The following RHCE variants were observed in gnomAD, a reference collection of about 807,000 sequenced individuals.
The protein encoded by RHCE is Rh blood group CcEe antigens.
In RHCE, 22 loss-of-function variants were observed where a neutral mutation model predicts 43.8. The observed-to-expected ratio is 0.50, with a 90% CI of 0.36 to 0.72. The LOEUF (loss-of-function observed/expected upper bound fraction) is 0.72. Among genes scored for constraint, RHCE ranks in the 30% least tolerant of loss-of-function variants. RHCE has a pLI of 0.00. For synonymous variants in RHCE, 156 were observed against 210.7 expected, an observed-to-expected ratio of 0.74 and a Z score of 2.25; for missense variants, 385 against 525.4, an observed-to-expected ratio of 0.73 and a Z score of 2.61.
chr1:25,424,456 C>A (rs1275048677), upstream of RHCE, among the ~76,000 whole-genome samples: 2 of 151,946 alleles, frequency 1.3e-5, no homozygotes, highest in African/African-American at 4.8e-5. Context: ...GGCACAATCT[C>A]GGCTCACTGC....
upstream of RHCE, among the ~76,000 whole-genome samples, chr1:25,425,488 T>C: frequency 6.6e-6 from 1 of 152,188 alleles, no homozygotes; most frequent in Admixed American, 6.5e-5. Flanking sequence ...CTAATCACTT[T>C]GCAATTCTGC....
At chr1:25,412,893 G>A (rs113748855) in intron 1 of RHCE, among the ~76,000 whole-genome samples, 4 of 151,724 alleles carry the variant, frequency 2.6e-5, no homozygotes, top group Admixed American at 1.3e-4. Flanking sequence ...GCATGGTGGC[G>A]CATGCCTGTA....
At chr1:25,428,338 G>A (rs75466085) in intron 2 of RHCE, among the ~76,000 whole-genome samples, 9,474 of 152,280 alleles carry the variant, frequency 0.062, 401 homozygotes, top group Middle Eastern at 0.15. Context: ...GCTCCCCAAC[G>A]CCTTTAAGCT....
At chr1:25,378,116 TA>T (rs1645842648) in intron 7 of RHCE, among the ~76,000 whole-genome samples, 1 of 152,122 alleles carries the variant, frequency 6.6e-6, no homozygotes, top group African/African-American at 2.4e-5. Context: ...TATCAAAATG[TA>T]AAAAATAGGT....
chr1:25,373,579 A>C lies in RHCE; in HGVS notation c.1153+1770T>G, dbSNP rs964098926. The stretch of plus-strand genomic sequence containing the variant: ...AATTACCCAAGTAACTCCAAAATGT[A>C]CCTCCATACAGTTTGTTAAAGCTGG... On this transcript the variant is annotated intron_variant, in intron 8 of 9. Coordinates refer to ENST00000294413, the MANE Select transcript of RHCE (RefSeq NM_020485.8). 1.3e-4 allele frequency among the ~76,000 whole-genome samples: 20 copies of C among 151,666 alleles called. 1 individual carries two copies. The highest frequency in any genetic ancestry group is 3.9e-4 in the African/African-American group (16 of 41,018).
chr1:25,387,564 G>C (rs911762290), intron 6 of RHCE, among the ~76,000 whole-genome samples: 1 of 152,198 alleles, frequency 6.6e-6, no homozygotes, highest in African/African-American at 2.4e-5. Context: ...GAGCCTGATG[G>C]TAACTTGCTA....
intron 4 of RHCE, among the ~76,000 whole-genome samples, chr1:25,391,124 GAAAT>G (rs1643990440): frequency 6.6e-6 from 1 of 152,136 alleles, no homozygotes; most frequent in African/African-American, 2.4e-5. Context: ...CAAGAGGGTT[GAAAT>G]CTGCATACCC....
intron 2 of RHCE, among the ~76,000 whole-genome samples, chr1:25,405,036 A>G (rs1050461201): frequency 4.3e-4 from 62 of 144,140 alleles, no homozygotes; most frequent in Non-Finnish European, 8.4e-4. Context: ...ACAAAAAGCA[A>G]AAAAAAAAAA....
intron 1 of RHCE, chr1:25,419,831 TG>T (rs1303633057): frequency 2.4e-5 from 2 of 82,358 alleles, no homozygotes; most frequent in African/African-American, 5.1e-5. Flanking sequence ...TCGGTGGGGG[TG>T]GGGGTGGGGG....
chr1:25,418,459 CA>C (rs1306925362), intron 1 of RHCE, among the ~76,000 whole-genome samples: 1 of 152,130 alleles, frequency 6.6e-6, no homozygotes, highest in Non-Finnish European at 1.5e-5. Context: ...TGTGCCACCA[CA>C]CCCGGCTAGT....
intron 3 of RHCE, among the ~76,000 whole-genome samples, chr1:25,394,453 G>C (rs947237934): frequency 6.6e-6 from 1 of 152,060 alleles, no homozygotes; most frequent in Non-Finnish European, 1.5e-5. Flanking sequence ...CCCTTGATGA[G>C]ATGAAGCTGC....
Position 25,389,074 on chromosome 1 carries a change from C to A in RHCE, c.841G>T (p.Val281Leu). ...GGGATCAGGTGACACGAGGTACCCACAGCCACGCCTCCTGCCAACACCGCA... is the reference window on the plus strand; with the variant it reads ...GGGATCAGGTGACACGAGGTACCCAAAGCCACGCCTCCTGCCAACACCGCA... Reference protein sequence around the residue: ...HSAVLAGGVAVGTSCHLIPSP... With the variant: ...HSAVLAGGVALGTSCHLIPSP... Residue 281 changes from valine to leucine, a missense_variant, in exon 6 of 10, where the codon GTG (valine) becomes TTG (leucine). Val to Leu is a conservative substitution (Grantham distance 32). Coordinates refer to ENST00000294413, the MANE Select transcript of RHCE (RefSeq NM_020485.8). 1 of 1,614,192 alleles carries A rather than the reference C, an allele frequency of 6.2e-7. No homozygotes were observed. Among genetic ancestry groups the A allele is most frequent in the African/African-American group, 1.3e-5 (1 of 75,056 alleles).
upstream of RHCE, among the ~76,000 whole-genome samples, chr1:25,424,495 C>G (rs1488484947): frequency 1.3e-5 from 2 of 152,132 alleles, no homozygotes; most frequent in African/African-American, 4.8e-5. Context: ...TCAAGCGATT[C>G]TCCCGCCTCA....
intron 2 of RHCE, among the ~76,000 whole-genome samples, chr1:25,404,169 CAAA>C (rs3079571): frequency 2.2e-5 from 2 of 90,972 alleles, no homozygotes; most frequent in Admixed American, 1.4e-4. Flanking sequence ...CTCTGTCTCA[CAAA>C]AAAAAAAAAA....
In RHCE at chr1:25,407,337, TA is replaced by T. The variant is rs577336309; in HGVS notation, c.335+1345del. On this transcript the variant is annotated intron_variant, in intron 2 of 9. Coordinates refer to ENST00000294413, the MANE Select transcript of RHCE (RefSeq NM_020485.8). ...ACTCTGGAGCATGTGGAAAAGGTTA[TA>T]AAAAAAAGTTAGAGCCATCTCCACC... Among the ~76,000 whole-genome samples the T allele has an allele frequency of 7.4e-4, 91 of 123,382 alleles. 8 individuals are homozygous for T. The highest frequency in any genetic ancestry group is 2.3e-3 in the African/African-American group (90 of 39,926). The allele number at this position is 123,382 out of a possible 152,430, so 80.9% of individuals were successfully genotyped here.
intron 1 of RHCE, chr1:25,419,676 C>T (rs2042714515): frequency 6.7e-6 from 1 of 149,250 alleles, no homozygotes; most frequent in Non-Finnish European, 1.5e-5. Flanking sequence ...GTCTTATTTA[C>T]AGTTGTCTCA....
Position 25,390,866 on chromosome 1 carries a change from C to G in RHCE, c.684G>C (p.Leu228=). The G allele has an allele frequency of 6.2e-7, 1 of 1,614,226 alleles. No individual in the cohort carries two copies. Among genetic ancestry groups the G allele is most frequent in the Non-Finnish European group, 8.5e-7 (1 of 1,180,038 alleles). The change falls in exon 5 of 10, where the codon CTG becomes CTC. Residue 228 remains leucine, a synonymous_variant. Transcript: ENST00000294413. ...MFWPSVNSAL[L]RSPIQRKNAM... ...CATTCTTCCTTTGGATTGGACTTCT[C>G]AGCAGAGCAGAGTTGACACTTGGCC...
At chr1:25,417,031 C>A (rs1325658781) in intron 1 of RHCE, among the ~76,000 whole-genome samples, 2 of 151,522 alleles carry the variant, frequency 1.3e-5, no homozygotes, top group Non-Finnish European at 2.9e-5. Context: ...CACATGAGAC[C>A]AATCTTGTTT....
chr1:25,372,828 A>T, intron 8 of RHCE, among the ~76,000 whole-genome samples: 1 of 151,664 alleles, frequency 6.6e-6, no homozygotes, highest in East Asian at 1.9e-4. Context: ...TTTTTGAGAC[A>T]GGGTCTTGCT....
Sources: allele counts gnomAD v4.1 joint callset (sites outside exome capture counted in the v4.1 genomes callset), GRCh38; gene constraint gnomAD v4.1.1; transcripts MANE v1.5; gene names NCBI Gene and HGNC (gene_info 2026-07-23, HGNC 2026-07-21).